Variants in ZNF804B observed in about 807,000 individuals in gnomAD.
ZNF804B encodes the protein zinc finger protein 804B, also known as zinc finger 804B.
ZNF804B carries 80 observed loss-of-function variants against 101.4 expected under a neutral mutation model. That is an observed-to-expected ratio of 0.79 (90% CI 0.66 to 0.95). ZNF804B has a LOEUF of 0.95. ZNF804B is among the 40% of genes least tolerant of loss of function. ZNF804B has a pLI of 0.00. For synonymous variants in ZNF804B, 622 were observed against 558.8 expected (o/e 1.11, Z -1.59); for missense variants, 1,673 against 1,561.9 (o/e 1.07, Z -1.20).
rs984028952 is a variant in ZNF804B, at chr7:89,334,484, T to A, written c.1502T>A (p.Leu501Ter). Residue 501 changes from leucine (L) to a stop codon, truncating the protein, a stop_gained, in exon 4 of 4, where the codon TTG becomes TAG. Transcript: ENST00000333190. LOFTEE classifies it high-confidence loss of function. Reference protein sequence around the residue: ...DHNLEDLKTELGKKPLELKTK... With the variant: ...DHNLEDLKTE ...AATCTAGAGGACTTAAAAACAGAAT[T>A]GGGTAAGAAGCCCTTGGAATTGAAG... 2 of 1,613,630 alleles carry A rather than the reference T, an allele frequency of 1.2e-6. No individual in the cohort carries two copies. Among genetic ancestry groups the A allele is most frequent in the African/African-American group, 2.7e-5 (2 of 74,888 alleles).
At chr7:89,169,005 A>T (rs980347988) in intron 1 of ZNF804B, among the ~76,000 whole-genome samples, 1 of 152,252 alleles carries the variant, frequency 6.6e-6, no homozygotes, top group Middle Eastern at 3.4e-3. Flanking sequence ...CTCTATTAGA[A>T]GCCATGGGTC....
chr7:89,116,304 A>G (rs1790312315), intron 1 of ZNF804B, among the ~76,000 whole-genome samples: 1 of 152,128 alleles, frequency 6.6e-6, no homozygotes, highest in African/African-American at 2.4e-5. Flanking sequence ...AATGTTTATG[A>G]TTTAAGACAG....
intron 1 of ZNF804B, among the ~76,000 whole-genome samples, chr7:89,117,218 T>C (rs1790324647): frequency 6.6e-6 from 1 of 152,194 alleles, no homozygotes; most frequent in African/African-American, 2.4e-5. Context: ...GTTTTAGACT[T>C]CTGGCCTCCA....
chr7:88,982,292 G>A (rs1793703655), intron 1 of ZNF804B, among the ~76,000 whole-genome samples: 1 of 152,040 alleles, frequency 6.6e-6, no homozygotes, highest in South Asian at 2.1e-4. Context: ...ATAGTCTGAG[G>A]TTGAGTTTCT....
At chr7:89,038,552 T>C (rs962725261) in intron 1 of ZNF804B, among the ~76,000 whole-genome samples, 2 of 152,114 alleles carry the variant, frequency 1.3e-5, no homozygotes, top group African/African-American at 4.8e-5. Flanking sequence ...TCCGTATGTA[T>C]TTTGGTTATT....
At chr7:89,176,057 A>G (rs1163325951) in intron 1 of ZNF804B, among the ~76,000 whole-genome samples, 1 of 151,936 alleles carries the variant, frequency 6.6e-6, no homozygotes, top group African/African-American at 2.4e-5. Flanking sequence ...TTTCTTTCTC[A>G]TGTCTAATTG....
At chr7:89,012,002 T>C (rs1420878318) in intron 1 of ZNF804B, among the ~76,000 whole-genome samples, 1 of 152,184 alleles carries the variant, frequency 6.6e-6, no homozygotes, top group Non-Finnish European at 1.5e-5. Flanking sequence ...AACTTCTGAC[T>C]GAATATCCAA....
intron 1 of ZNF804B, among the ~76,000 whole-genome samples, chr7:89,199,187 A>C (rs918763303): frequency 1.3e-5 from 2 of 151,800 alleles, no homozygotes; most frequent in African/African-American, 4.8e-5. Flanking sequence ...CCTTTTTATT[A>C]GGCTTTGTGG....
chr7:88,845,967 AAGAG>A (rs1337078131), intron 1 of ZNF804B, among the ~76,000 whole-genome samples: 3 of 152,222 alleles, frequency 2.0e-5, no homozygotes, highest in Non-Finnish European at 2.9e-5. Flanking sequence ...AAAGGGGAGA[AAGAG>A]AGAAATCATC....
intron 2 of ZNF804B, among the ~76,000 whole-genome samples, chr7:89,290,944 CT>C (rs1317946363): frequency 1.3e-5 from 2 of 152,114 alleles, no homozygotes; most frequent in Non-Finnish European, 2.9e-5. Context: ...CAGAGAGACT[CT>C]GTTTTTTTGG....
At chr7:88,946,869 T>C (rs1793138036) in intron 1 of ZNF804B, among the ~76,000 whole-genome samples, 1 of 151,922 alleles carries the variant, frequency 6.6e-6, no homozygotes, top group South Asian at 2.1e-4. Context: ...GAACGGACAC[T>C]TCTCAAAAGA....
intron 1 of ZNF804B, among the ~76,000 whole-genome samples, chr7:89,016,479 T>G (rs1372240862): frequency 6.6e-6 from 1 of 151,800 alleles, no homozygotes; most frequent in Non-Finnish European, 1.5e-5. Flanking sequence ...AGGTCTAACG[T>G]TTAAGTCTTT....
chr7:89,202,636 A>T (rs1440052856), intron 1 of ZNF804B, among the ~76,000 whole-genome samples: 1 of 152,156 alleles, frequency 6.6e-6, no homozygotes, highest in African/African-American at 2.4e-5. Context: ...TTTTAGAGAC[A>T]CAAAAATTCT....
intron 1 of ZNF804B, among the ~76,000 whole-genome samples, chr7:88,854,476 T>TTTCTTTCTTTCCCTTTC (rs1554340148): frequency 2.1e-5 from 1 of 48,718 alleles, no homozygotes; most frequent in Non-Finnish European, 3.8e-5. Context: ...TCTTTCTTTC[T>TTTCTTTCTTTCCCTTTC]CTTTCCTTTC....
intron 1 of ZNF804B, among the ~76,000 whole-genome samples, chr7:88,860,644 G>T (rs1791631555): frequency 6.6e-6 from 1 of 152,102 alleles, no homozygotes; most frequent in African/African-American, 2.4e-5. Context: ...TAATTGGATT[G>T]TTTTGGTAAA....
At chr7:89,323,179 A>T (rs1790845976) in intron 2 of ZNF804B, among the ~76,000 whole-genome samples, 1 of 152,226 alleles carries the variant, frequency 6.6e-6, no homozygotes, top group Middle Eastern at 3.2e-3. Context: ...TAGACACTGG[A>T]TCTGTCTGCA....
chr7:89,158,755 G>A (rs1370092127), intron 1 of ZNF804B, among the ~76,000 whole-genome samples: 1 of 151,986 alleles, frequency 6.6e-6, no homozygotes, highest in Non-Finnish European at 1.5e-5. Context: ...CATCCTCCAG[G>A]TCTTTGCACA....
chr7:89,190,062 C>G lies in ZNF804B; in HGVS notation c.109-28093C>G, dbSNP rs76253415. Among the ~76,000 whole-genome samples, 6 of 152,076 alleles carry G rather than the reference C, an allele frequency of 3.9e-5. No individual in the cohort carries two copies. In the South Asian group the frequency reaches 1.0e-3, roughly 26 times the overall value. On this transcript the variant is annotated intron_variant, in intron 1 of 3. Coordinates refer to ENST00000333190, the MANE Select transcript of ZNF804B (RefSeq NM_181646.5). ...AGAAGTTTAAATAAGTTGTTTCCAG[C>G]CCTCATAAACGACTTTGAGGGGTTC...
At position 88,860,989 on chromosome 7, in the gene ZNF804B, A is replaced by G. The variant is rs757569491; in HGVS notation, c.108+100905A>G. On this transcript the variant is annotated intron_variant, in intron 1 of 3. Coordinates refer to ENST00000333190, the MANE Select transcript of ZNF804B (RefSeq NM_181646.5). ...GTTGGGCAAAGTCTATTACAGAATCACACTAGTCAATTATGCTAAATTTCT... is the reference window on the plus strand; with the variant it reads ...GTTGGGCAAAGTCTATTACAGAATCGCACTAGTCAATTATGCTAAATTTCT... 1.9e-3 allele frequency among the ~76,000 whole-genome samples: 293 copies of G among 152,298 alleles called. 2 individuals are homozygous for G. Among genetic ancestry groups the G allele is most frequent in the Non-Finnish European group, 3.0e-3 (206 of 68,022 alleles).
Sources: gnomAD v4.1 joint callset for allele counts (sites outside exome capture counted in the v4.1 genomes callset) on GRCh38, gnomAD v4.1.1 for gene constraint, MANE v1.5 for transcripts, NCBI Gene and HGNC (gene_info 2026-07-23, HGNC 2026-07-21) for gene names.